PBRM1: variants seen among roughly 807,000 people sequenced by gnomAD.
The protein encoded by PBRM1 is polybromo 1.
PBRM1 carries 27 observed loss-of-function variants against 194.5 expected under a neutral mutation model. The ratio of observed to expected loss-of-function variants is 0.14; its 90% CI spans 0.10 to 0.19. The LOEUF is 0.19. Ranked by LOEUF, PBRM1 falls within the 10% of genes least tolerant of loss-of-function variation. The pLI, the probability that PBRM1 is intolerant of heterozygous loss-of-function variation, is 1.00. For missense variants in PBRM1, 1,466 were observed against 2,077.2 expected (o/e 0.71, Z 5.72); for synonymous variants, 655 against 693.2 (o/e 0.94, Z 0.87).
intron 24 of PBRM1, 70 bp from the exon 27 acceptor site, chr3:52,562,038 C>G: frequency 2.3e-6 from 3 of 1,288,274 alleles, no homozygotes; most frequent in Admixed American, 1.7e-5. Flanking sequence ...ATTTCAGAAG[C>G]CAGCCGGGCG....
At chr3:52,617,353 C>A (rs554214396) in exon 14 of PBRM1, 3 of 1,613,248 alleles carry the variant, frequency 1.9e-6, no homozygotes, top group Non-Finnish European at 1.7e-6. Flanking sequence ...TTTGTCATTG[C>A]GGATGTTATG....
chr3:52,566,872 C>T (rs2085378993), intron 22 of PBRM1, among the ~76,000 whole-genome samples: 1 of 152,050 alleles, frequency 6.6e-6, no homozygotes, highest in Non-Finnish European at 1.5e-5. Flanking sequence ...AGTTTGAGAC[C>T]AGCCTGGCCA....
chr3:52,593,418 G>A (rs1002488624), intron 17 of PBRM1, among the ~76,000 whole-genome samples: 1 of 152,140 alleles, frequency 6.6e-6, no homozygotes, highest in Non-Finnish European at 1.5e-5. Context: ...TGCATTTTTA[G>A]TAGAGAAGAG....
intron 16 of PBRM1, among the ~76,000 whole-genome samples, chr3:52,604,079 C>T (rs1399228902): frequency 6.6e-6 from 1 of 152,168 alleles, no homozygotes; most frequent in Non-Finnish European, 1.5e-5. Flanking sequence ...CAAGGCTCCA[C>T]AATATGTTCA....
intron 15 of PBRM1, among the ~76,000 whole-genome samples, chr3:52,610,917 C>T (rs370479878): frequency 1.4e-4 from 22 of 152,068 alleles, no homozygotes; most frequent in African/African-American, 5.1e-4. Context: ...CTAGCCTGGG[C>T]GACAGAGCGA....
At position 52,685,747 on chromosome 3, in the gene PBRM1, A is replaced by T; in HGVS notation, c.-13+2T>A. On this transcript the variant is annotated splice_donor_variant, in intron 1 of 29. Transcript: ENST00000394830. LOFTEE classifies it low-confidence loss of function (5UTR_SPLICE). The stretch of plus-strand genomic sequence containing the variant: ...CCCCACCCGCCCTGGGCCCGGCCTT[A>T]CCCAGCCGCTCCGCCGCCTGCAGCC... 1 of 185,180 alleles carries T rather than the reference A, an allele frequency of 5.4e-6. No individual in the cohort carries two copies. Among genetic ancestry groups the T allele is most frequent in the Non-Finnish European group, 1.1e-5 (1 of 92,318 alleles). 11.5% of individuals were successfully genotyped at this position (185,180 alleles called of 1,614,324 possible).
At chr3:52,684,082 T>G (rs1355458645), upstream of PBRM1, among the ~76,000 whole-genome samples, 1 of 146,422 alleles carries the variant, frequency 6.8e-6, no homozygotes, top group Non-Finnish European at 1.5e-5. Context: ...GTGAGAGGAC[T>G]GCTTGAGCCT....
chr3:52,584,904 T>C (rs1483616327), intron 20 of PBRM1, among the ~76,000 whole-genome samples: 2 of 152,128 alleles, frequency 1.3e-5, no homozygotes, highest in African/African-American at 4.8e-5. Context: ...GGCTTCAGGC[T>C]TGAGACACAA....
At chr3:52,580,608 C>T (rs1400479123) in intron 20 of PBRM1, among the ~76,000 whole-genome samples, 3 of 152,128 alleles carry the variant, frequency 2.0e-5, no homozygotes, top group South Asian at 2.1e-4. Flanking sequence ...GTGATCCACC[C>T]GCCTTGGCCT....
intron 15 of PBRM1, among the ~76,000 whole-genome samples, chr3:52,611,334 T>C (rs368268298): frequency 1.3e-5 from 2 of 152,206 alleles, no homozygotes; most frequent in East Asian, 1.9e-4. Context: ...ACAACACCTG[T>C]TAACAGAAAG....
chr3:52,627,460 AC>A, intron 12 of PBRM1, 90 bp from the exon 14 acceptor site: 3 of 720,986 alleles, frequency 4.2e-6, no homozygotes, highest in Non-Finnish European at 7.2e-6. Context: ...TATCAGATTC[AC>A]TCAGAAAAAT....
chr3:52,576,114 GT>G (rs2089517790), intron 22 of PBRM1, among the ~76,000 whole-genome samples: 1 of 152,030 alleles, frequency 6.6e-6, no homozygotes, highest in Non-Finnish European at 1.5e-5. Flanking sequence ...ATGTACCAAC[GT>G]TAAGTATAAT....
intron 7 of PBRM1, among the ~76,000 whole-genome samples, chr3:52,647,959 C>T (rs1159793430): frequency 2.0e-5 from 3 of 151,788 alleles, no homozygotes; most frequent in Non-Finnish European, 4.4e-5. Flanking sequence ...CACTGTCGCC[C>T]GGGCTGGAGT....
intron 17 of PBRM1, among the ~76,000 whole-genome samples, chr3:52,591,949 C>T (rs1290368204): frequency 6.7e-6 from 1 of 148,322 alleles, no homozygotes. Context: ...GCCTCAGCCT[C>T]CCAAGTAGCT....
chr3:52,593,068 G>A (rs944688218), intron 17 of PBRM1, among the ~76,000 whole-genome samples: 6 of 151,844 alleles, frequency 4.0e-5, no homozygotes, highest in Non-Finnish European at 8.8e-5. Flanking sequence ...TCTAGCTAGC[G>A]GTCCATCTTA....
At chr3:52,588,933 T>G (rs2092739015) in intron 18 of PBRM1, 137 bp downstream of exon 20, 1 of 641,194 alleles carries the variant, frequency 1.6e-6, no homozygotes, top group Non-Finnish European at 2.8e-6. Context: ...GGGTGCTTAC[T>G]TACATTTATT....
intron 16 of PBRM1, among the ~76,000 whole-genome samples, chr3:52,605,140 G>C (rs1400933915): frequency 6.6e-6 from 1 of 152,110 alleles, no homozygotes; most frequent in Admixed American, 6.5e-5. Context: ...GTCTTGCCCT[G>C]TCACCCAGAC....
At chr3:52,563,900 C>G in intron 23 of PBRM1, 150 bp downstream of exon 25, 1 of 602,452 alleles carries the variant, frequency 1.7e-6, no homozygotes, top group Non-Finnish European at 2.8e-6. Context: ...TGAAGTCTTT[C>G]CTTTAATCTT....
In PBRM1 at chr3:52,550,741, G is replaced by A. The variant is rs375566144; in HGVS notation, c.4680+6C>T. ...AAGTCCTAGAAAATCAAACTGGGAG[G>A]CTCACCTGTTGTCCATATGGACTTC... On this transcript the variant is annotated splice_donor_region_variant and intron_variant, in intron 28 of 29. Transcript: ENST00000296302. 1.2e-6 allele frequency: 2 copies of A among 1,607,176 alleles called. No homozygotes were observed. Among genetic ancestry groups the A allele is most frequent in the African/African-American group, 2.7e-5 (2 of 74,758 alleles).
Sources: gnomAD v4.1 joint callset for allele counts (sites outside exome capture counted in the v4.1 genomes callset) on GRCh38, gnomAD v4.1.1 for gene constraint, MANE v1.5 for transcripts, NCBI Gene and HGNC (gene_info 2026-07-23, HGNC 2026-07-21) for gene names.